Variants in FRMD5 observed in about 807,000 individuals in gnomAD.
FRMD5 encodes FERM domain containing 5.
Under a neutral mutation model 69.0 loss-of-function variants are expected in FRMD5, and 20 were observed. The ratio of observed to expected loss-of-function variants is 0.29; its 90% CI spans 0.20 to 0.42. The LOEUF is 0.42. Ranked by LOEUF, FRMD5 falls within the 10% of genes least tolerant of loss-of-function variation. The pLI, the probability that FRMD5 is intolerant of heterozygous loss-of-function variation, is 1.00. For missense variants in FRMD5, 595 were observed against 708.6 expected (o/e 0.84, Z 1.82); for synonymous variants, 271 against 260.1 (o/e 1.04, Z -0.40).
intron 1 of FRMD5, among the ~76,000 whole-genome samples, chr15:44,148,995 A>G (rs1308111027): frequency 6.6e-6 from 1 of 152,200 alleles, no homozygotes; most frequent in Non-Finnish European, 1.5e-5. Context: ...CTAAAAACTA[A>G]TATTATTATA....
chr15:44,091,242 C>T (rs1392742201), intron 1 of FRMD5, among the ~76,000 whole-genome samples: 2 of 152,070 alleles, frequency 1.3e-5, no homozygotes, highest in Non-Finnish European at 2.9e-5. Context: ...TGGTTTTTAA[C>T]CTGTTTGTGA....
chr15:44,011,570 A>G (rs1285369721), intron 1 of FRMD5, among the ~76,000 whole-genome samples: 1 of 152,146 alleles, frequency 6.6e-6, no homozygotes, highest in Non-Finnish European at 1.5e-5. Context: ...CCCTGAGGAG[A>G]GGTCTGGATT....
chr15:43,897,967 G>A (rs749003796), intron 7 of FRMD5, among the ~76,000 whole-genome samples: 6 of 152,006 alleles, frequency 3.9e-5, no homozygotes, highest in Non-Finnish European at 5.9e-5. Context: ...TTCCCCTTCC[G>A]CTATGATTGT....
At chr15:43,888,656 G>A (rs2088721299) in intron 9 of FRMD5, among the ~76,000 whole-genome samples, 153 bp downstream of exon 9, 2 of 152,110 alleles carry the variant, frequency 1.3e-5, no homozygotes, top group South Asian at 2.1e-4. Context: ...GGGCCTTCCC[G>A]CTCCTTCATA....
intron 13 of FRMD5, among the ~76,000 whole-genome samples, chr15:43,881,753 TTGA>T (rs2088536075): frequency 6.6e-6 from 1 of 152,178 alleles, no homozygotes; most frequent in African/African-American, 2.4e-5. Context: ...CTCAAGTAAC[TTGA>T]TGGTGTTTGT....
At chr15:44,059,221 T>C (rs138841103) in intron 1 of FRMD5, among the ~76,000 whole-genome samples, 72 of 152,278 alleles carry the variant, frequency 4.7e-4, no homozygotes, top group African/African-American at 1.7e-3. Flanking sequence ...TTAAGAGCTG[T>C]AGTAAAGAGG....
intron 8 of FRMD5, among the ~76,000 whole-genome samples, chr15:43,890,484 C>T (rs959199724): frequency 6.6e-6 from 1 of 152,210 alleles, no homozygotes; most frequent in Non-Finnish European, 1.5e-5. Context: ...CCTCACCCAA[C>T]AGCTACTCTG....
At chr15:44,020,140 T>C (rs982515292) in intron 1 of FRMD5, among the ~76,000 whole-genome samples, 20 of 152,166 alleles carry the variant, frequency 1.3e-4, no homozygotes, top group African/African-American at 4.8e-4. Context: ...TCATATCTTT[T>C]TTTTTTCTTT....
At chr15:44,126,405 C>A (rs1414422772) in intron 1 of FRMD5, among the ~76,000 whole-genome samples, 1 of 152,192 alleles carries the variant, frequency 6.6e-6, no homozygotes, top group African/African-American at 2.4e-5. Flanking sequence ...TGAACTAATA[C>A]AATAAATCTT....
intron 1 of FRMD5, among the ~76,000 whole-genome samples, chr15:43,948,333 A>G (rs981001140): frequency 6.6e-6 from 1 of 152,220 alleles, no homozygotes; most frequent in African/African-American, 2.4e-5. Flanking sequence ...ATAGTGGTAG[A>G]AGTCTGGAGT....
At chr15:44,126,817 G>C (rs1218686778) in intron 1 of FRMD5, among the ~76,000 whole-genome samples, 1 of 151,996 alleles carries the variant, frequency 6.6e-6, no homozygotes, top group Non-Finnish European at 1.5e-5. Context: ...AAATAACTTT[G>C]GAAATTAGTC....
At chr15:43,953,364 A>G (rs2090066715) in intron 1 of FRMD5, among the ~76,000 whole-genome samples, 1 of 152,220 alleles carries the variant, frequency 6.6e-6, no homozygotes, top group Non-Finnish European at 1.5e-5. Flanking sequence ...CCATCCCTCA[A>G]GCATGGCTCA....
chr15:44,012,892 A>T (rs1890787296), intron 1 of FRMD5, among the ~76,000 whole-genome samples: 1 of 148,458 alleles, frequency 6.7e-6, no homozygotes, highest in Non-Finnish European at 1.5e-5. Flanking sequence ...TCAGCCTCCC[A>T]AGTAGCTGGG....
chr15:44,002,264 C>T (rs1456351366), intron 1 of FRMD5, among the ~76,000 whole-genome samples: 3 of 152,082 alleles, frequency 2.0e-5, no homozygotes, highest in East Asian at 3.8e-4. Flanking sequence ...TTATTGGAGG[C>T]TCATTCGTCA....
chr15:44,072,165 C>T (rs1174003862), intron 1 of FRMD5, among the ~76,000 whole-genome samples: 1 of 152,180 alleles, frequency 6.6e-6, no homozygotes, highest in Admixed American at 6.5e-5. Context: ...CCCACCCAGC[C>T]GAGTTCTTAA....
chr15:44,136,061 ACCCAGGCT>A (rs2077180106), intron 1 of FRMD5, among the ~76,000 whole-genome samples: 2 of 152,144 alleles, frequency 1.3e-5, no homozygotes, highest in African/African-American at 4.8e-5. Context: ...TGGCTCTGTC[ACCCAGGCT>A]GGAGTACAGT....
intron 1 of FRMD5, among the ~76,000 whole-genome samples, chr15:43,948,904 T>C (rs1218945392): frequency 6.6e-6 from 1 of 152,228 alleles, no homozygotes. Flanking sequence ...AAAATGAAAA[T>C]GACCAAAATG....
chr15:43,998,888 A>G (rs1454690259), intron 1 of FRMD5, among the ~76,000 whole-genome samples: 1 of 152,186 alleles, frequency 6.6e-6, no homozygotes, highest in Non-Finnish European at 1.5e-5. Context: ...ACCATGCAAA[A>G]TGACGTCACT....
chr15:43,972,799 A>AG (rs1171052359), intron 1 of FRMD5, among the ~76,000 whole-genome samples: 2 of 152,214 alleles, frequency 1.3e-5, no homozygotes, highest in Admixed American at 6.5e-5. Context: ...AAGGTCTCCT[A>AG]GGTAACTTCT....
Sources: gnomAD v4.1 joint callset for allele counts (sites outside exome capture counted in the v4.1 genomes callset) on GRCh38, gnomAD v4.1.1 for gene constraint, MANE v1.5 for transcripts, NCBI Gene and HGNC (gene_info 2026-07-23, HGNC 2026-07-21) for gene names.